SLC25A42: variants seen among roughly 807,000 people sequenced by gnomAD.
The protein encoded by SLC25A42 is solute carrier family 25 member 42.
In SLC25A42, 19 loss-of-function variants were observed where a neutral mutation model predicts 34.7. The observed-to-expected ratio is 0.55, with a 90% CI of 0.38 to 0.80. The LOEUF (loss-of-function observed/expected upper bound fraction) is 0.80. Ranked by LOEUF, SLC25A42 falls within the 30% of genes least tolerant of loss-of-function variation. The pLI, the probability that SLC25A42 is intolerant of heterozygous loss-of-function variation, is 0.00. For missense variants in SLC25A42, 364 were observed against 441.3 expected, an observed-to-expected ratio of 0.82 and a Z score of 1.57; for synonymous variants, 205 against 191.2, an observed-to-expected ratio of 1.07 and a Z score of -0.59.
intron 1 of SLC25A42, among the ~76,000 whole-genome samples, chr19:19,078,558 AGAGCATGTACGCAGC>A (rs990301848): frequency 3.9e-5 from 6 of 152,326 alleles, no homozygotes; most frequent in African/African-American, 1.4e-4. Context: ...GTGCCTCCGC[AGAGCATGTACGCAGC>A]GAGCATGTAC....
chr19:19,076,161 G>A (rs973534153), intron 1 of SLC25A42, among the ~76,000 whole-genome samples: 7 of 152,120 alleles, frequency 4.6e-5, no homozygotes, highest in Non-Finnish European at 1.0e-4. Flanking sequence ...TCACTGCTAA[G>A]ATCATCAACA....
chr19:19,082,564 A>C (rs1039200602), intron 1 of SLC25A42, among the ~76,000 whole-genome samples: 1 of 151,876 alleles, frequency 6.6e-6, no homozygotes, highest in African/African-American at 2.4e-5. Context: ...GGGTTTTGCC[A>C]TGTCGACCAG....
At chr19:19,068,416 T>C (rs990898340) in intron 1 of SLC25A42, among the ~76,000 whole-genome samples, 28 of 141,972 alleles carry the variant, frequency 2.0e-4, no homozygotes, top group Non-Finnish European at 3.5e-4. Flanking sequence ...CCTTTCATCC[T>C]AGCACTTTGG....
chr19:19,110,850 A>C lies in SLC25A42; in HGVS notation c.931A>C (p.Ile311Leu). The C allele has an allele frequency of 6.2e-7, 1 of 1,613,894 alleles. No homozygotes were observed. Among genetic ancestry groups the C allele is most frequent in the Non-Finnish European group, 8.5e-7 (1 of 1,180,008 alleles). Reference protein sequence around the residue: ...ISFTTFDLMQILLRHLQS With the variant: ...ISFTTFDLMQLLLRHLQS ...CTTCACCACCTTCGACCTCATGCAG[A>C]TCCTGCTGCGGCACCTGCAGAGCTA... The change falls in exon 8 of 8, where the codon ATC becomes CTC. Residue 311 changes from isoleucine to leucine, a missense_variant. Transcript: ENST00000318596.
chr19:19,088,054 G>A (rs1047099936), intron 1 of SLC25A42, among the ~76,000 whole-genome samples: 2 of 152,146 alleles, frequency 1.3e-5, no homozygotes, highest in Non-Finnish European at 2.9e-5. Flanking sequence ...GTTGGTTTCC[G>A]GAGCTGGTTG....
intron 1 of SLC25A42, among the ~76,000 whole-genome samples, chr19:19,084,056 CTG>C: frequency 6.7e-6 from 1 of 148,154 alleles, no homozygotes; most frequent in Middle Eastern, 3.6e-3. Flanking sequence ...ACACACCTGA[CTG>C]CACCCCACCA....
chr19:19,079,047 A>ATTTTTTAT (rs1009537221), intron 1 of SLC25A42, among the ~76,000 whole-genome samples: 18 of 149,744 alleles, frequency 1.2e-4, no homozygotes, highest in Admixed American at 1.1e-3. Flanking sequence ...TTTTTAGACA[A>ATTTTTTAT]TTTTTTATTT....
rs2059683725 is a variant in SLC25A42, at chr19:19,081,930, C to T, written c.-34-14161C>T. 6.6e-6 allele frequency among the ~76,000 whole-genome samples: 1 copy of T among 152,184 alleles called. No homozygotes were observed. Among genetic ancestry groups the T allele is most frequent in the African/African-American group, 2.4e-5 (1 of 41,448 alleles). On this transcript the variant is annotated intron_variant, in intron 1 of 7. Coordinates refer to ENST00000318596, the MANE Select transcript of SLC25A42 (RefSeq NM_178526.5). This position sits in a 1 kb window ranked among gnomAD's most constrained non-coding sequence, Gnocchi z 4.5. The stretch of plus-strand genomic sequence containing the variant: ...GGACACTGCCCCTCAGGGAGGCCGA[C>T]CTGATCACCTGGTCACTGGTCGCAA...
At chr19:19,087,597 G>A (rs2059714690) in intron 1 of SLC25A42, among the ~76,000 whole-genome samples, 1 of 152,138 alleles carries the variant, frequency 6.6e-6, no homozygotes, top group Non-Finnish European at 1.5e-5. Flanking sequence ...TGTCCCCATG[G>A]TTCTTGATGG....
At chr19:19,075,770 C>T (rs968698357) in intron 1 of SLC25A42, among the ~76,000 whole-genome samples, 4 of 152,214 alleles carry the variant, frequency 2.6e-5, no homozygotes, top group African/African-American at 4.8e-5. Flanking sequence ...GCTGCCAGAT[C>T]CCCCTAGCCT....
intron 1 of SLC25A42, among the ~76,000 whole-genome samples, chr19:19,068,837 C>CAAATAAAT (rs111792120): frequency 0.049 from 6,756 of 137,464 alleles, 234 homozygotes; most frequent in Admixed American, 0.086. Flanking sequence ...CACTCAGTCT[C>CAAATAAAT]AAATAAATAA....
intron 1 of SLC25A42, among the ~76,000 whole-genome samples, chr19:19,077,970 TG>T (rs2059663140): frequency 6.6e-6 from 1 of 152,184 alleles, no homozygotes; most frequent in Non-Finnish European, 1.5e-5. Flanking sequence ...CCATCCGTGT[TG>T]TTGTCGCGTG....
At chr19:19,069,828 C>CTTTT (rs775484703) in intron 1 of SLC25A42, among the ~76,000 whole-genome samples, 2 of 139,798 alleles carry the variant, frequency 1.4e-5, no homozygotes, top group Non-Finnish European at 3.2e-5. Context: ...ATCTCCTCTT[C>CTTTT]TTTTTTTTTT....
intron 1 of SLC25A42, among the ~76,000 whole-genome samples, chr19:19,071,861 G>A (rs889943237): frequency 6.6e-6 from 1 of 150,482 alleles, no homozygotes; most frequent in Non-Finnish European, 1.5e-5. Flanking sequence ...GCGAGAATCC[G>A]TCTCAAAAAA....
intron 5 of SLC25A42, 40 bp downstream of exon 5, chr19:19,105,767 C>T: frequency 6.8e-7 from 1 of 1,470,272 alleles, no homozygotes; most frequent in Non-Finnish European, 9.1e-7. Context: ...TCGCCCCGCC[C>T]ACGCCCGCCC....
chr19:19,106,219 A>G (rs145731911), intron 5 of SLC25A42, 50 bp from the exon 6 acceptor site: 3 of 1,519,850 alleles, frequency 2.0e-6, no homozygotes, highest in African/African-American at 1.4e-5. Context: ...GCCTCTGTGC[A>G]TCTGCAACCC....
In SLC25A42 at chr19:19,093,048, T is replaced by TGA. The variant is rs563134853; in HGVS notation, c.-34-3043_-34-3042insGA. Among the ~76,000 whole-genome samples, 76 of 152,288 alleles carry TGA rather than the reference T, an allele frequency of 5.0e-4. 1 individual carries two copies. The South Asian group carries it at 8.9e-3, about 18-fold the overall frequency. ...TTTATTTTTATTTTTTGAGACCCAG[T>TGA]CTTGCTCTGTCACCTGCGCTGGAGT... is the stretch of plus-strand genomic sequence containing the variant. On this transcript the variant is annotated intron_variant, in intron 1 of 7. Transcript: ENST00000318596.
chr19:19,066,234 G>C (rs2145893310), intron 1 of SLC25A42, among the ~76,000 whole-genome samples: 1 of 152,224 alleles, frequency 6.6e-6, no homozygotes, highest in East Asian at 1.9e-4. Context: ...TCCCCAGCCT[G>C]TACCCCGTTC....
chr19:19,105,291 T>C (rs989233251), intron 4 of SLC25A42: 2 of 574,370 alleles, frequency 3.5e-6, no homozygotes, highest in Non-Finnish European at 3.1e-6. Context: ...CCGAGCTGCT[T>C]TGCAGCCTGG....
Sources: allele counts gnomAD v4.1 joint callset (sites outside exome capture counted in the v4.1 genomes callset), GRCh38; gene constraint gnomAD v4.1.1; non-coding constraint Gnocchi (gnomAD v3.1); transcripts MANE v1.5; gene names NCBI Gene and HGNC (gene_info 2026-07-23, HGNC 2026-07-21).